FRMD4A: variants seen among roughly 807,000 people sequenced by gnomAD.
FRMD4A encodes FERM domain containing 4A.
A neutral mutation model predicts 129.1 loss-of-function variants in FRMD4A; 29 were observed. The observed-to-expected ratio is 0.22, with a 90% CI of 0.17 to 0.31. FRMD4A has a LOEUF of 0.31. Among genes scored for constraint, FRMD4A ranks in the 10% least tolerant of loss-of-function variants. The pLI is 1.00. For missense variants in FRMD4A, 1,272 were observed against 1,375.8 expected, an observed-to-expected ratio of 0.92 and a Z score of 1.19; for synonymous variants, 634 against 571.6, an observed-to-expected ratio of 1.11 and a Z score of -1.56.
chr10:14,193,172 A>G (rs368071105), intron 2 of FRMD4A, among the ~76,000 whole-genome samples: 3 of 152,178 alleles, frequency 2.0e-5, no homozygotes, highest in African/African-American at 7.2e-5. Flanking sequence ...TGATTTCTAA[A>G]TACATTAGAC....
chr10:13,709,404 A>G (rs1394977043), intron 12 of FRMD4A, among the ~76,000 whole-genome samples: 1 of 152,160 alleles, frequency 6.6e-6, no homozygotes. Context: ...GCACAAAGTG[A>G]CCTTAGATCT....
chr10:14,051,903 A>G (rs758936530), intron 2 of FRMD4A, among the ~76,000 whole-genome samples: 2 of 152,236 alleles, frequency 1.3e-5, no homozygotes, highest in Admixed American at 6.5e-5. Flanking sequence ...CTCACCCTCA[A>G]TTAATGTCCT....
intron 2 of FRMD4A, among the ~76,000 whole-genome samples, chr10:13,923,701 G>T (rs56247980): frequency 0.11 from 16,839 of 152,140 alleles, 1,260 homozygotes; most frequent in Non-Finnish European, 0.14. Context: ...CTATTGTAAA[G>T]GTAGGCCACG....
chr10:13,725,754 AAG>A (rs1157405890), intron 12 of FRMD4A, among the ~76,000 whole-genome samples: 1 of 152,188 alleles, frequency 6.6e-6, no homozygotes, highest in Non-Finnish European at 1.5e-5. Flanking sequence ...CCTCTTCACA[AAG>A]AGACGTTGTT....
chr10:13,657,315 G>A lies in FRMD4A; in HGVS notation c.2274C>T (p.His758=), dbSNP rs917680481. 5.6e-6 allele frequency: 9 copies of A among 1,611,606 alleles called. No homozygotes were observed. Among genetic ancestry groups the A allele is most frequent in the Non-Finnish European group, 7.6e-6 (9 of 1,179,746 alleles). Residue 758 remains histidine (H), a synonymous_variant, in exon 22 of 25, where the codon CAC becomes CAT. Transcript: ENST00000357447. ...TGGCGTTCATCTGCGCCGGGTAGTA[G>A]TGCTCCGAGCTCGAGTGGCTGGTGC... The part of the protein sequence containing the change: ...SSCTSHSSSE[H]YYPAQMNANY...
At chr10:13,822,150 A>G (rs748932672) in intron 3 of FRMD4A, among the ~76,000 whole-genome samples, 31 of 152,186 alleles carry the variant, frequency 2.0e-4, no homozygotes, top group Non-Finnish European at 3.4e-4. Flanking sequence ...GTATATGCAC[A>G]TGTGGGCTGA....
intron 8 of FRMD4A, among the ~76,000 whole-genome samples, chr10:13,750,104 G>GAAAGAAAGAAAGAAAGAAAGAAAT (rs1197003000): frequency 1.9e-5 from 2 of 105,746 alleles, no homozygotes; most frequent in African/African-American, 7.4e-5. Flanking sequence ...AAGAAAGAAA[G>GAAAGAAAGAAAGAAAGAAAGAAAT]AAATGAAGAA....
intron 2 of FRMD4A, among the ~76,000 whole-genome samples, chr10:14,263,030 T>C (rs1844858004): frequency 6.6e-6 from 1 of 152,224 alleles, no homozygotes; most frequent in South Asian, 2.1e-4. Flanking sequence ...AGTGTTCCCC[T>C]GGCCAGGATC....
At chr10:14,083,846 G>A (rs1478500679) in intron 2 of FRMD4A, 1 of 152,188 alleles carries the variant, frequency 6.6e-6, no homozygotes, top group East Asian at 1.9e-4. Context: ...TCAATAACGG[G>A]TAGACACCTT....
At chr10:14,116,387 G>T (rs1257759262) in intron 2 of FRMD4A, among the ~76,000 whole-genome samples, 1 of 152,216 alleles carries the variant, frequency 6.6e-6, no homozygotes, top group Non-Finnish European at 1.5e-5. Context: ...ATCACATTGA[G>T]CCCATTGGAA....
At chr10:14,139,496 C>T (rs1057063178) in intron 2 of FRMD4A, among the ~76,000 whole-genome samples, 3 of 151,872 alleles carry the variant, frequency 2.0e-5, no homozygotes, top group African/African-American at 7.3e-5. Context: ...GTCACCAAGG[C>T]TGGAATACTG....
At chr10:13,957,287 C>T (rs2095415312) in intron 2 of FRMD4A, among the ~76,000 whole-genome samples, 1 of 152,170 alleles carries the variant, frequency 6.6e-6, no homozygotes. Flanking sequence ...GAGTTTCGCT[C>T]TTGCTGCCCA....
chr10:13,810,961 T>C (rs1245020732), intron 3 of FRMD4A, 53 bp from the exon 4 acceptor site: 2 of 868,046 alleles, frequency 2.3e-6, no homozygotes, highest in African/African-American at 1.7e-5. Flanking sequence ...CTGCTTTTCC[T>C]AAAATATGCA....
chr10:13,801,114 G>A (rs2093244684), intron 4 of FRMD4A, among the ~76,000 whole-genome samples: 1 of 152,124 alleles, frequency 6.6e-6, no homozygotes, highest in Admixed American at 6.6e-5. Context: ...AGGTGTGGTG[G>A]CACGTGCCTG....
chr10:14,001,703 A>G (rs932258618), intron 2 of FRMD4A, among the ~76,000 whole-genome samples: 4 of 152,204 alleles, frequency 2.6e-5, no homozygotes, highest in Admixed American at 6.5e-5. Context: ...CATTCTATGA[A>G]CCAGAGAATT....
At chr10:13,775,654 C>T (rs949446117) in intron 6 of FRMD4A, among the ~76,000 whole-genome samples, 1 of 152,120 alleles carries the variant, frequency 6.6e-6, no homozygotes, top group Non-Finnish European at 1.5e-5. Flanking sequence ...GAAGGAAAGA[C>T]CCTGATGGGG....
intron 2 of FRMD4A, among the ~76,000 whole-genome samples, chr10:13,952,760 C>T: frequency 6.6e-6 from 1 of 152,150 alleles, no homozygotes; most frequent in Non-Finnish European, 1.5e-5. Context: ...GTAGCATGAT[C>T]TCAGCTCACT....
chr10:14,110,819 G>T (rs1391354885), intron 2 of FRMD4A, among the ~76,000 whole-genome samples: 3 of 152,010 alleles, frequency 2.0e-5, no homozygotes, highest in African/African-American at 7.2e-5. Context: ...TTAGTTCTGT[G>T]TATTTTATTT....
intron 2 of FRMD4A, among the ~76,000 whole-genome samples, chr10:14,283,252 TTAG>T (rs1375452538): frequency 6.6e-6 from 1 of 152,192 alleles, no homozygotes; most frequent in East Asian, 1.9e-4. Context: ...GAAGCTAACT[TTAG>T]TAAGATTTCC....
Sources: allele counts gnomAD v4.1 joint callset (sites outside exome capture counted in the v4.1 genomes callset), GRCh38; gene constraint gnomAD v4.1.1; transcripts MANE v1.5; gene names NCBI Gene and HGNC (gene_info 2026-07-23, HGNC 2026-07-21).